Variants in EPHA10 observed in about 807,000 individuals in gnomAD.
EPHA10 encodes the protein ephrin type-A receptor 10.
Under a neutral mutation model 109.7 loss-of-function variants are expected in EPHA10, and 120 were observed. The ratio of observed to expected loss-of-function variants is 1.09; its 90% CI spans 0.94 to 1.27. EPHA10 has a LOEUF of 1.27. Among genes scored for constraint, EPHA10 ranks in the 50% most tolerant of loss-of-function variants. The pLI, the probability that EPHA10 is intolerant of heterozygous loss-of-function variation, is 0.00. For missense variants in EPHA10, 1,396 were observed against 1,411.1 expected (o/e 0.99, Z 0.17); for synonymous variants, 640 against 618.9 (o/e 1.03, Z -0.51).
intron 5 of EPHA10, among the ~76,000 whole-genome samples, chr1:37,739,279 T>A (rs577798024): frequency 6.6e-6 from 1 of 152,198 alleles, no homozygotes; most frequent in African/African-American, 2.4e-5. Context: ...GAAGACACTA[T>A]GCTAAGTGAA....
In EPHA10 at chr1:37,727,092, A is replaced by T. The variant is rs1210083195; in HGVS notation, c.1772+10T>A. ...ACCAGGAGTCACCTAGGCTGGGGCC[A>T]GCCACCTACCTCCTCCAAATGGCCA... is the stretch of plus-strand genomic sequence containing the variant. On this transcript the variant is annotated intron_variant, in intron 8 of 16. Transcript: ENST00000373048. 1 of 1,604,650 alleles carries T rather than the reference A, an allele frequency of 6.2e-7. No individual in the cohort carries two copies. The highest frequency in any genetic ancestry group is 1.7e-5 in the Admixed American group (1 of 58,954).
rs2148364891 is a variant in EPHA10 at position 37,752,961 on chromosome 1, G to A, written c.1272C>T (p.Arg424=). ...CCGAGACGCCGTTGAGCGCGGCCAC[G>A]CGCACGGTGTAGCGCGCGCCGGGCC... ...HLRPGARYTV[R]VAALNGVSGP... Residue 424 remains arginine (R), a synonymous_variant, in exon 5 of 17, where the codon CGC becomes CGT. Transcript: ENST00000373048. The A allele has an allele frequency of 7.7e-7, 1 of 1,291,062 alleles. No homozygotes were observed. The highest frequency in any genetic ancestry group is 9.8e-7 in the Non-Finnish European group (1 of 1,022,514). 80.0% of individuals were successfully genotyped at this position (1,291,062 alleles called of 1,614,324 possible).
Position 37,754,405 on chromosome 1 carries a change from TC to T in EPHA10, c.851-36del, listed in dbSNP as rs761053621. ...ATGGCTGGTGAGAAGAGGGGGCTCC[TC>T]CAGTTTCTCCCCGCTTTCCTGACTG... is the stretch of plus-strand genomic sequence containing the variant. On this transcript the variant is annotated intron_variant, in intron 3 of 16. Transcript: ENST00000373048. The surrounding 1 kb of genome is among the most constrained non-coding windows in gnomAD (Gnocchi z 4.5). The T allele has an allele frequency of 2.0e-3, 2,615 of 1,276,232 alleles. 7 individuals are homozygous for T. Among genetic ancestry groups the T allele is most frequent in the Non-Finnish European group, 2.3e-3 (2,324 of 1,007,950 alleles). The allele number at this position is 1,276,232 out of a possible 1,614,324, so 79.1% of individuals were successfully genotyped here. A position where few individuals can be genotyped will look rare whatever the true frequency, so the allele number is the denominator to read the frequency against.
At chr1:37,747,552 C>CAAAA (rs35864756) in intron 5 of EPHA10, among the ~76,000 whole-genome samples, 11 of 108,562 alleles carry the variant, frequency 1.0e-4, no homozygotes, top group African/African-American at 1.4e-4. Context: ...GAAACTGTCT[C>CAAAA]AAAAAAAAAA....
intron 6 of EPHA10, among the ~76,000 whole-genome samples, chr1:37,733,504 C>T (rs1646023212): frequency 6.6e-6 from 1 of 152,192 alleles, no homozygotes; most frequent in Non-Finnish European, 1.5e-5. Context: ...CAGGTGGTAG[C>T]CACTGAGCCT....
At chr1:37,748,778 A>G (rs1646277570) in intron 5 of EPHA10, among the ~76,000 whole-genome samples, 1 of 152,204 alleles carries the variant, frequency 6.6e-6, no homozygotes, top group Admixed American at 6.5e-5. Flanking sequence ...TAAGCATTTT[A>G]TAAAATTAAC....
At chr1:37,747,793 A>C (rs996596493) in intron 5 of EPHA10, among the ~76,000 whole-genome samples, 1 of 151,926 alleles carries the variant, frequency 6.6e-6, no homozygotes, top group African/African-American at 2.4e-5. Context: ...AATAAATCAT[A>C]AAATAAGTGA....
intron 15 of EPHA10, chr1:37,719,194 C>G (rs1168502269): frequency 8.2e-6 from 5 of 610,546 alleles, no homozygotes; most frequent in African/African-American, 5.6e-5. Context: ...GTCATTGTAC[C>G]CGGGGATGTG....
chr1:37,737,932 C>CTTTTTTTTTTTT (rs59082119), intron 5 of EPHA10: 1 of 61,478 alleles, frequency 1.6e-5, no homozygotes, highest in Non-Finnish European at 3.0e-5. Flanking sequence ...TAACTGTAGG[C>CTTTTTTTTTTTT]TTTTTTTTTT....
intron 5 of EPHA10, among the ~76,000 whole-genome samples, chr1:37,748,050 T>G (rs1646266365): frequency 6.6e-6 from 1 of 152,092 alleles, no homozygotes; most frequent in Non-Finnish European, 1.5e-5. Context: ...GATCAAGACG[T>G]TACAGTAAAG....
chr1:37,761,242 T>G, intron 3 of EPHA10, 163 bp downstream of exon 3: 1 of 1,499,892 alleles, frequency 6.7e-7, no homozygotes, highest in Non-Finnish European at 8.8e-7. Context: ...CTGGACTCAC[T>G]GGAAACTCCA....
intron 5 of EPHA10, among the ~76,000 whole-genome samples, chr1:37,751,543 T>C (rs1256497710): frequency 7.2e-6 from 1 of 139,418 alleles, no homozygotes; most frequent in Non-Finnish European, 1.5e-5. Context: ...CACTCCAGCC[T>C]GGGTGACGAG....
rs530069801 is a variant in EPHA10 at position 37,736,168 on chromosome 1, G to A, written c.1358-778C>T. 1.6e-3 allele frequency among the ~76,000 whole-genome samples: 242 copies of A among 152,256 alleles called. 6 individuals carry two copies. The Middle Eastern group carries it at 0.017, about 11-fold the overall frequency. On this transcript the variant is annotated intron_variant, in intron 5 of 16. Transcript: ENST00000373048. ...TCACGCCTATAATCCCAGCACATTC[G>A]GAGGCTGAGGCAGGTGGTTCATGAG...
chr1:37,718,334 C>A lies in EPHA10; in HGVS notation c.*38G>T, dbSNP rs1160762344. ...CCTTGGGCAGGGCTGGGGGACTGGA[C>A]CCCCACCGGAGTCCTGCCTTGGAAG... On this transcript the variant is annotated 3_prime_UTR_variant, in exon 17 of 17. Transcript: ENST00000373048. 1 of 1,533,102 alleles carries A rather than the reference C, an allele frequency of 6.5e-7. No individual in the cohort carries two copies. The highest frequency in any genetic ancestry group is 1.2e-5 in the South Asian group (1 of 81,780). 95.0% of individuals were successfully genotyped at this position (1,533,102 alleles called of 1,614,324 possible). A position where few individuals can be genotyped will look rare whatever the true frequency, so the allele number is the denominator to read the frequency against.
intron 12 of EPHA10, 75 bp downstream of exon 12, chr1:37,720,708 A>G: frequency 6.3e-7 from 1 of 1,582,022 alleles, no homozygotes; most frequent in Middle Eastern, 1.7e-4. Context: ...TCCAAGCCCT[A>G]CCAAAGAGAA....
At chr1:37,721,873 G>T (rs551640169) in intron 10 of EPHA10, 28 bp from the exon 11 acceptor site, 3 of 1,513,244 alleles carry the variant, frequency 2.0e-6, no homozygotes, top group Non-Finnish European at 2.7e-6. Flanking sequence ...CTCAGATACC[G>T]CCAGAGGCCA....
chr1:37,742,705 G>GA (rs1646172536), intron 5 of EPHA10, among the ~76,000 whole-genome samples: 5 of 68,522 alleles, frequency 7.3e-5, no homozygotes, highest in African/African-American at 8.9e-5. Flanking sequence ...GTCAGTTAGG[G>GA]CCCAGCACTG....
In EPHA10 at chr1:37,753,216, C is replaced by T; in HGVS notation, c.1017G>A (p.Ser339=). 4.6e-6 allele frequency: 6 copies of T among 1,318,274 alleles called. No individual in the cohort carries two copies. The highest frequency in any genetic ancestry group is 5.8e-6 in the Non-Finnish European group (6 of 1,037,826). The allele number at this position is 1,318,274 out of a possible 1,614,324, so 81.7% of individuals were successfully genotyped here. ...GGCTGTACTGCAGGTCCCGCGGCGC[C>T]GACGGCGGCCCTGAGGCGGCACAGG... ...PPSASCTRPP[S]APRDLQYSLS... is the part of the protein sequence containing the mutation. The change falls in exon 5 of 17, where the codon TCG becomes TCA. Residue 339 remains serine (S), a synonymous_variant. Coordinates refer to ENST00000373048, the MANE Select transcript of EPHA10 (RefSeq NM_001099439.2).
rs1041243769 is a variant in EPHA10 at position 37,761,478 on chromosome 1, G to A, written c.777C>T (p.Asp259=). ...GGCCCACAGGCACCAGCCACTCGCC[G>A]TCGGCGCCGCAGTGCATGCGTGGGG... The part of the protein sequence containing the change: ...GSPPRMHCGA[D]GEWLVPVGRC... The change falls in exon 3 of 17, where the codon GAC becomes GAT. Residue 259 remains aspartate (D), a synonymous_variant. Transcript: ENST00000373048. The A allele has an allele frequency of 6.2e-7, 1 of 1,600,472 alleles. No homozygotes were observed. Among genetic ancestry groups the A allele is most frequent in the South Asian group, 1.1e-5 (1 of 91,000 alleles).
Sources: gnomAD v4.1 joint callset for allele counts (sites outside exome capture counted in the v4.1 genomes callset) on GRCh38, gnomAD v4.1.1 for gene constraint, Gnocchi (gnomAD v3.1) non-coding constraint, MANE v1.5 for transcripts, NCBI Gene and HGNC (gene_info 2026-07-23, HGNC 2026-07-21) for gene names.